Variants in SYNPO observed in about 807,000 individuals in gnomAD.
The protein encoded by SYNPO is synaptopodin.
In SYNPO, 19 loss-of-function variants were observed where a neutral mutation model predicts 49.5. The ratio of observed to expected loss-of-function variants is 0.38; its 90% CI spans 0.27 to 0.56. The LOEUF is 0.56. SYNPO is among the 20% of genes least tolerant of loss of function. The pLI is 0.68. For missense variants in SYNPO, 1,131 were observed against 1,248.3 expected (o/e 0.91, Z 1.42); for synonymous variants, 536 against 548.0 (o/e 0.98, Z 0.31).
Position 150,656,709 on chromosome 5 carries a change from G to A in SYNPO, c.2334G>A (p.Glu778=). Residue 778 remains glutamate (E), a synonymous_variant, in exon 3 of 3, where the codon GAG becomes GAA. Coordinates refer to ENST00000307662, the MANE Select transcript of SYNPO (RefSeq NM_007286.6). ...KSASPRSAGA[E]NPRPFSPPRA... ...CCTCCCCGCGGTCGGCGGGCGCCGA[G>A]AACCCGCGGCCCTTCTCCCCGCCGA... 1 of 1,447,324 alleles carries A rather than the reference G, an allele frequency of 6.9e-7. No homozygotes were observed. Among genetic ancestry groups the A allele is most frequent in the Non-Finnish European group, 9.1e-7 (1 of 1,103,058 alleles). 89.7% of individuals were successfully genotyped at this position (1,447,324 alleles called of 1,614,324 possible).
chr5:150,615,654 T>C (rs1756965260), intron 1 of SYNPO, among the ~76,000 whole-genome samples: 1 of 152,254 alleles, frequency 6.6e-6, no homozygotes, highest in South Asian at 2.1e-4. Context: ...TGAGTGCTGC[T>C]GGCCTTTGTG....
intron 2 of SYNPO, among the ~76,000 whole-genome samples, chr5:150,623,266 C>T (rs1581471892): frequency 6.6e-6 from 1 of 152,316 alleles, no homozygotes; most frequent in South Asian, 2.1e-4. Context: ...TCCTACAGAC[C>T]TAGCCACTCT....
At chr5:150,627,974 TG>T (rs1473686199) in intron 2 of SYNPO, among the ~76,000 whole-genome samples, 1 of 151,992 alleles carries the variant, frequency 6.6e-6, no homozygotes, top group Non-Finnish European at 1.5e-5. Flanking sequence ...TGGGCCTGCC[TG>T]CAAAGTGGCT....
intron 1 of SYNPO, among the ~76,000 whole-genome samples, chr5:150,647,119 T>C (rs894731678): frequency 1.2e-4 from 19 of 152,182 alleles, no homozygotes; most frequent in African/African-American, 4.6e-4. Flanking sequence ...GGCACATGCC[T>C]GTAGTCCCAG....
chr5:150,651,794 G>A (rs926179832), intron 2 of SYNPO: 130 of 1,000,268 alleles, frequency 1.3e-4, no homozygotes, highest in Non-Finnish European at 1.6e-4. Context: ...CATTCATACA[G>A]TGAGGGTGTT....
intron 2 of SYNPO, among the ~76,000 whole-genome samples, chr5:150,626,060 GA>G (rs1181874205): frequency 1.3e-5 from 2 of 152,214 alleles, no homozygotes; most frequent in African/African-American, 4.8e-5. Flanking sequence ...CTGTCCATTA[GA>G]AAGTGGAAGT....
the SYNPO span, among the ~76,000 whole-genome samples, chr5:150,591,853 C>A: frequency 6.6e-6 from 1 of 152,224 alleles, no homozygotes; most frequent in African/African-American, 2.4e-5. Context: ...CCAACTAAGA[C>A]TTTCTTCTTG....
At chr5:150,650,594 T>C in intron 2 of SYNPO, 1 of 1,451,456 alleles carries the variant, frequency 6.9e-7, no homozygotes, top group Non-Finnish European at 9.1e-7. Context: ...GAGAACTGTC[T>C]GGCAGCCCTG....
chr5:150,615,376 C>G (rs1295420164), intron 1 of SYNPO: 1 of 152,254 alleles, frequency 6.6e-6, no homozygotes, highest in Non-Finnish European at 1.5e-5. Context: ...AAAACAGAAG[C>G]AGGGATAGAG....
At position 150,648,877 on chromosome 5, in the gene SYNPO, T is replaced by C. The variant is rs1316111281; in HGVS notation, c.602T>C (p.Leu201Pro). Reference sequence around the variant, plus strand: ...CTCATTGACATCCAGCCCAACACCCTAGTGGTGTCAGCAGATCAAGAGATG... The same window carrying C: ...CTCATTGACATCCAGCCCAACACCCCAGTGGTGTCAGCAGATCAAGAGATG... Reference protein sequence around the residue: ...SLLIDIQPNTLVVSADQEMSG... With the variant: ...SLLIDIQPNTPVVSADQEMSG... Residue 201 changes from leucine (L) to proline (P), a missense_variant, in exon 2 of 3, where the codon CTA (leucine) becomes CCA (proline). Around this residue, in one of 4 missense-constraint regions of SYNPO, gnomAD observed 602 missense variants for 720.7 expected, o/e 0.84. Coordinates refer to ENST00000307662, the MANE Select transcript of SYNPO (RefSeq NM_007286.6). This position sits in a 1 kb window ranked among gnomAD's most constrained non-coding sequence, Gnocchi z 5.0. 1.2e-6 allele frequency: 2 copies of C among 1,614,160 alleles called. No homozygotes were observed. Among genetic ancestry groups the C allele is most frequent in the Admixed American group, 3.3e-5 (2 of 60,030 alleles).
At chr5:150,640,014 G>C (rs1227224022), upstream of SYNPO, 2 of 514,770 alleles carry the variant, frequency 3.9e-6, no homozygotes, top group Non-Finnish European at 5.0e-6. Context: ...GTGACCTTGA[G>C]CAAGTTGCTG....
intron 2 of SYNPO, among the ~76,000 whole-genome samples, chr5:150,628,644 C>CA (rs2151384425): frequency 6.6e-6 from 1 of 152,326 alleles, no homozygotes; most frequent in East Asian, 1.9e-4. Flanking sequence ...TGTGGTGGCT[C>CA]ACGCCTGTAA....
chr5:150,651,564 T>G, intron 2 of SYNPO: 1 of 1,002,168 alleles, frequency 1.0e-6, no homozygotes, highest in Non-Finnish European at 1.2e-6. Flanking sequence ...TGGAATGAGC[T>G]GCTGCAGGAG....
chr5:150,628,685 G>T (rs1034305766), intron 2 of SYNPO, among the ~76,000 whole-genome samples: 2 of 152,228 alleles, frequency 1.3e-5, no homozygotes, highest in African/African-American at 2.4e-5. Context: ...AAGGCAGGGG[G>T]ATCACCTGAG....
intron 1 of SYNPO, chr5:150,608,343 C>A (rs980590730): frequency 6.6e-6 from 1 of 152,184 alleles, no homozygotes; most frequent in Non-Finnish European, 1.5e-5. Context: ...GAGAGGCCAG[C>A]CAGAAGCCCC....
chr5:150,622,645 T>C (rs1757217956), intron 2 of SYNPO, among the ~76,000 whole-genome samples: 1 of 152,220 alleles, frequency 6.6e-6, no homozygotes, highest in African/African-American at 2.4e-5. Context: ...ATGTCTGTTT[T>C]GTTCAGGCAG....
the SYNPO span, among the ~76,000 whole-genome samples, chr5:150,594,040 G>A: frequency 6.6e-6 from 1 of 152,174 alleles, no homozygotes; most frequent in Non-Finnish European, 1.5e-5. Context: ...CTGGGTGGAG[G>A]GGCTTACCCT....
At chr5:150,598,371 C>T (rs1416273455), upstream of SYNPO, among the ~76,000 whole-genome samples, 2 of 152,208 alleles carry the variant, frequency 1.3e-5, no homozygotes, top group African/African-American at 4.8e-5. Context: ...TCTGTGCTGC[C>T]GTGAAGGGCA....
chr5:150,637,486 G>A (rs556428851), upstream of SYNPO, among the ~76,000 whole-genome samples: 11 of 152,290 alleles, frequency 7.2e-5, no homozygotes, highest in Admixed American at 1.3e-4. Flanking sequence ...GATTGCACCC[G>A]GCCCCTGAGG....
Sources: allele counts gnomAD v4.1 joint callset (sites outside exome capture counted in the v4.1 genomes callset), GRCh38; gene constraint gnomAD v4.1.1; regional missense constraint gnomAD v4.1.1; non-coding constraint Gnocchi (gnomAD v3.1); transcripts MANE v1.5; gene names NCBI Gene and HGNC (gene_info 2026-07-23, HGNC 2026-07-21).